Variants in MAP3K13 observed in about 807,000 individuals in gnomAD.
The protein encoded by MAP3K13 is mitogen-activated protein kinase kinase kinase 13, also known as leucine zipper-bearing kinase.
Under a neutral mutation model 104.0 loss-of-function variants are expected in MAP3K13, and 52 were observed. The observed-to-expected ratio is 0.50, with a 90% CI of 0.40 to 0.63. The LOEUF is 0.63. Among genes scored for constraint, MAP3K13 ranks in the 20% least tolerant of loss-of-function variants. MAP3K13 has a pLI of 0.00. For missense variants in MAP3K13, 914 were observed against 1,218.5 expected (o/e 0.75, Z 3.72); for synonymous variants, 394 against 442.2 (o/e 0.89, Z 1.37).
intron 3 of MAP3K13, among the ~76,000 whole-genome samples, chr3:185,443,137 C>G (rs773505816): frequency 6.6e-6 from 1 of 152,156 alleles, no homozygotes; most frequent in Admixed American, 6.6e-5. Context: ...CAGTATCCAG[C>G]CTGCACAAAC....
rs1211455422 is a variant in MAP3K13 at position 185,487,083 on chromosome 3, C to T, written c.*4627C>T. 1 of 152,144 alleles carries T rather than the reference C, an allele frequency of 6.6e-6. No homozygotes were observed. The highest frequency in any genetic ancestry group is 2.4e-5 in the African/African-American group (1 of 41,410). 9.4% of individuals were successfully genotyped at this position (152,144 alleles called of 1,614,324 possible). ...GTACTGGACATCTCCTGTAGAGCTTCATCATGCTAAATTATTCCCCTCTCC... is the reference window on the plus strand; with the variant it reads ...GTACTGGACATCTCCTGTAGAGCTTTATCATGCTAAATTATTCCCCTCTCC... On this transcript the variant is annotated 3_prime_UTR_variant, in exon 14 of 14. Coordinates refer to ENST00000265026, the MANE Select transcript of MAP3K13 (RefSeq NM_004721.5).
Position 185,331,931 on chromosome 3 carries a change from T to A in MAP3K13, c.-86+46288T>A, listed in dbSNP as rs756546583. ...GTTTTCAGTTGTAATATATGTTGAA[T>A]CTCTTTCCATGTAAGTACATAGAGA... is the stretch of plus-strand genomic sequence containing the variant. On this transcript the variant is annotated intron_variant, in intron 2 of 14. Coordinates refer to the MAP3K13 transcript ENST00000424227. 6.2e-4 allele frequency among the ~76,000 whole-genome samples: 94 copies of A among 152,220 alleles called. 1 individual carries two copies. Among genetic ancestry groups the A allele is most frequent in the Non-Finnish European group, 8.4e-4 (57 of 68,042 alleles).
At chr3:185,369,614 G>A (rs925719596) in intron 1 of MAP3K13, among the ~76,000 whole-genome samples, 5 of 152,138 alleles carry the variant, frequency 3.3e-5, no homozygotes, top group African/African-American at 1.2e-4. Context: ...TAGTTAATGG[G>A]TGGGATGTGT....
At chr3:185,341,246 A>G (rs996588219) in intron 2 of MAP3K13, among the ~76,000 whole-genome samples, 6 of 152,204 alleles carry the variant, frequency 3.9e-5, no homozygotes, top group African/African-American at 1.4e-4. Flanking sequence ...TATCCTTATA[A>G]GAAGAGGAGA....
chr3:185,337,370 G>A (rs1722544308), intron 2 of MAP3K13, among the ~76,000 whole-genome samples: 1 of 152,224 alleles, frequency 6.6e-6, no homozygotes. Context: ...AGAACACCTG[G>A]AAAGTACAGC....
In MAP3K13 at chr3:185,337,561, C is replaced by T. The variant is rs138213264; in HGVS notation, c.-86+51918C>T. On this transcript the variant is annotated intron_variant, in intron 2 of 14. Transcript: ENST00000424227. ...CACATCAGAACTTGAAAACTGATTT[C>T]GGGCCTGTGTTAACATAAAATGGGT... Among the ~76,000 whole-genome samples, 185 of 152,190 alleles carry T rather than the reference C, an allele frequency of 1.2e-3. 1 individual carries two copies. Among genetic ancestry groups the T allele is most frequent in the African/African-American group, 4.1e-3 (171 of 41,540 alleles).
chr3:185,371,868 C>G (rs370775329), intron 1 of MAP3K13, among the ~76,000 whole-genome samples: 30 of 152,152 alleles, frequency 2.0e-4, no homozygotes, highest in African/African-American at 7.0e-4. Flanking sequence ...CCCACTAAGG[C>G]TCCTTATTAC....
intron 2 of MAP3K13, among the ~76,000 whole-genome samples, chr3:185,328,069 T>A (rs750182610): frequency 1.3e-5 from 2 of 152,108 alleles, no homozygotes; most frequent in African/African-American, 2.4e-5. Flanking sequence ...CTTAGGAATG[T>A]GGCAAGAGAT....
intron 1 of MAP3K13, among the ~76,000 whole-genome samples, chr3:185,411,974 G>T (rs1713477875): frequency 6.6e-6 from 1 of 151,858 alleles, no homozygotes; most frequent in Non-Finnish European, 1.5e-5. Context: ...AGTAGATATG[G>T]GGTTTCACCA....
intron 2 of MAP3K13, among the ~76,000 whole-genome samples, chr3:185,435,002 T>TTTGTTTG (rs1714945547): frequency 6.6e-6 from 1 of 151,266 alleles, no homozygotes; most frequent in Admixed American, 6.6e-5. Flanking sequence ...TGTTTGTTTG[T>TTTGTTTG]TTGTTGTTGT....
chr3:185,335,864 C>T (rs1285646909), intron 2 of MAP3K13, among the ~76,000 whole-genome samples: 1 of 152,070 alleles, frequency 6.6e-6, no homozygotes, highest in Non-Finnish European at 1.5e-5. Flanking sequence ...ACTGGCTTGG[C>T]CTGCTCAGCC....
intron 13 of MAP3K13, among the ~76,000 whole-genome samples, chr3:185,481,735 T>C (rs1293812742): frequency 6.6e-6 from 1 of 152,186 alleles, no homozygotes; most frequent in African/African-American, 2.4e-5. Flanking sequence ...GGGATGATAA[T>C]AGCATCTGTC....
At chr3:185,306,900 T>G (rs1415153788) in intron 2 of MAP3K13, among the ~76,000 whole-genome samples, 1 of 152,310 alleles carries the variant, frequency 6.6e-6, no homozygotes, top group African/African-American at 2.4e-5. Flanking sequence ...TCTTCTAGGA[T>G]TATTACAGTT....
chr3:185,410,506 C>T (rs1362219226), intron 1 of MAP3K13, among the ~76,000 whole-genome samples: 1 of 151,804 alleles, frequency 6.6e-6, no homozygotes, highest in Non-Finnish European at 1.5e-5. Context: ...TTTAATGTTC[C>T]CAACACAAAA....
chr3:185,321,516 C>A (rs184005047), intron 2 of MAP3K13, among the ~76,000 whole-genome samples: 1 of 152,222 alleles, frequency 6.6e-6, no homozygotes. Context: ...CATTATTTTT[C>A]TCCTTTGAAT....
upstream of MAP3K13, among the ~76,000 whole-genome samples, chr3:185,361,778 C>T (rs1386733006): frequency 2.6e-5 from 4 of 152,240 alleles, no homozygotes; most frequent in Non-Finnish European, 5.9e-5. Context: ...TGAGCACTCC[C>T]ATGTTACATG....
chr3:185,417,825 T>C (rs1451268404), intron 1 of MAP3K13: 342 of 1,610,312 alleles, frequency 2.1e-4, no homozygotes, highest in Non-Finnish European at 2.8e-4. Flanking sequence ...AGTTTTTCAG[T>C]GGGTTCTTCT....
At chr3:185,355,391 C>T (rs533186073) in intron 2 of MAP3K13, among the ~76,000 whole-genome samples, 7 of 151,312 alleles carry the variant, frequency 4.6e-5, no homozygotes, top group Middle Eastern at 3.4e-3. Flanking sequence ...CACTTGAACC[C>T]GAGAGGCGGA....
intron 1 of MAP3K13, among the ~76,000 whole-genome samples, chr3:185,389,582 GA>G (rs1427101533): frequency 6.7e-6 from 1 of 150,254 alleles, no homozygotes; most frequent in Admixed American, 6.6e-5. Context: ...AAAAGAAAAA[GA>G]AAAAAAATAC....
Sources: allele counts gnomAD v4.1 joint callset (sites outside exome capture counted in the v4.1 genomes callset), GRCh38; gene constraint gnomAD v4.1.1; transcripts MANE v1.5; gene names NCBI Gene and HGNC (gene_info 2026-07-23, HGNC 2026-07-21).